Variants in TGM4 observed in about 807,000 individuals in gnomAD.
The protein encoded by TGM4 is transglutaminase 4.
A neutral mutation model predicts 76.3 loss-of-function variants in TGM4; 61 were observed. That is an observed-to-expected ratio of 0.80 (90% confidence interval 0.65 to 0.99). The LOEUF is 0.99. TGM4 is among the 50% of genes least tolerant of loss of function. The probability of loss-of-function intolerance (pLI) is 0.00; values close to 1 mark genes in which losing one functional copy is unlikely to be tolerated. For synonymous variants in TGM4, 337 were observed against 329.8 expected (o/e 1.02, Z -0.24); for missense variants, 794 against 843.2 (o/e 0.94, Z 0.72).
chr3:44,902,729 TA>T (rs1161518334), intron 8 of TGM4, among the ~76,000 whole-genome samples: 1 of 152,226 alleles, frequency 6.6e-6, no homozygotes, highest in Non-Finnish European at 1.5e-5. Context: ...ATCTGATATA[TA>T]CCACTGTTTG....
chr3:44,896,691 C>T lies in TGM4; in HGVS notation c.550-18C>T. On this transcript the variant is annotated intron_variant, in intron 5 of 13. Transcript: ENST00000296125. ...AGGGCAAAGTCTTAACTGCCTCTTT[C>T]TTCATTTCCCAAAATAGTTTGAGAA... 7 of 1,613,198 alleles carry T rather than the reference C, an allele frequency of 4.3e-6. No homozygotes were observed. Among genetic ancestry groups the T allele is most frequent in the Non-Finnish European group, 5.9e-6 (7 of 1,179,226 alleles).
chr3:44,880,470 C>G (rs1252760474), intron 1 of TGM4, among the ~76,000 whole-genome samples: 2 of 152,180 alleles, frequency 1.3e-5, no homozygotes, highest in Non-Finnish European at 2.9e-5. Context: ...CCCACAAGCA[C>G]TCTGGGAAGG....
intron 1 of TGM4, among the ~76,000 whole-genome samples, chr3:44,875,852 C>T (rs1420671343): frequency 6.6e-6 from 1 of 152,190 alleles, no homozygotes; most frequent in Non-Finnish European, 1.5e-5. Context: ...TTGAATTCCT[C>T]CTTAGATGGC....
At position 44,910,304 on chromosome 3, in the gene TGM4, G is replaced by T. The variant is rs868301114; in HGVS notation, c.1542G>T (p.Leu514Phe). The T allele has an allele frequency of 9.3e-6, 15 of 1,614,176 alleles. No homozygotes were observed. In the Middle Eastern group the frequency reaches 2.3e-3, roughly 249 times the overall value. Residue 514 changes from leucine (L) to phenylalanine (F), a missense_variant, in exon 11 of 14, where the codon TTG becomes TTT. By Grantham distance (22) the Leu-to-Phe change is conservative. Coordinates refer to ENST00000296125, the MANE Select transcript of TGM4 (RefSeq NM_003241.4). ...TCTTGGGCTCCTTTGAACTACAGTT[G>T]TACACTGGCAAGAAGATGGCAAAAC... Reference protein sequence around the residue: ...VNILGSFELQLYTGKKMAKLC... With the variant: ...VNILGSFELQFYTGKKMAKLC...
chr3:44,911,038 G>C lies in TGM4; in HGVS notation c.1687G>C (p.Gly563Arg), dbSNP rs1463079157. ...ATTAGATGATGAGCCAGTTATCAGAGGTTTCATCATTGCGGAAATTGTGGA... is the reference window on the plus strand; with the variant it reads ...ATTAGATGATGAGCCAGTTATCAGACGTTTCATCATTGCGGAAATTGTGGA... Reference protein sequence around the residue: ...AILDDEPVIRGFIIAEIVESK... With the variant: ...AILDDEPVIRRFIIAEIVESK... The change falls in exon 12 of 14, where the codon GGT becomes CGT. Residue 563 changes from glycine to arginine, a missense_variant. Physicochemically the swap from Gly to Arg is moderately radical, Grantham distance 125 (BLOSUM62 -2). Coordinates refer to ENST00000296125, the MANE Select transcript of TGM4 (RefSeq NM_003241.4). 1.2e-6 allele frequency: 2 copies of C among 1,614,042 alleles called. No homozygotes were observed. The highest frequency in any genetic ancestry group is 8.5e-7 in the Non-Finnish European group (1 of 1,180,032).
At position 44,903,877 on chromosome 3, in the gene TGM4, G is replaced by T; in HGVS notation, c.972-7G>T. 6.8e-6 allele frequency: 11 copies of T among 1,614,120 alleles called. No individual in the cohort carries two copies. The highest frequency in any genetic ancestry group is 9.3e-6 in the Non-Finnish European group (11 of 1,179,964). ...CCGGGGTGGGGCCCGTTCCCAATTT[G>T]CGGCAGGAATTTCCATGTGTGGACG... is the stretch of plus-strand genomic sequence containing the variant. On this transcript the variant is annotated splice_polypyrimidine_tract_variant and splice_region_variant and intron_variant, in intron 8 of 13. Coordinates refer to ENST00000296125, the MANE Select transcript of TGM4 (RefSeq NM_003241.4).
rs769152826 is a variant in TGM4 at position 44,893,664 on chromosome 3, G to A, written c.518G>A (p.Ser173Asn). 10 of 1,613,902 alleles carry A rather than the reference G, an allele frequency of 6.2e-6. No individual in the cohort carries two copies. In the South Asian group the frequency reaches 1.1e-4, roughly 18 times the overall value. Residue 173 changes from serine to asparagine, a missense_variant, in exon 5 of 14, where the codon AGT (serine) becomes AAT (asparagine). By Grantham distance (46) the Ser-to-Asn change is conservative. Coordinates refer to ENST00000296125, the MANE Select transcript of TGM4 (RefSeq NM_003241.4). ...TGCCATTACGTGGGGGCTGCCAGAA[G>A]TATCAAATGCAAACCCTGGAACTTT... ...TGCHYVGAAR[S>N]IKCKPWNFGQ...
rs1699998961 is a variant in TGM4, at chr3:44,911,076, C to G, written c.1725C>G (p.Ile575Met). 1.9e-6 allele frequency: 3 copies of G among 1,614,192 alleles called. No individual in the cohort carries two copies. The highest frequency in any genetic ancestry group is 2.5e-6 in the Non-Finnish European group (3 of 1,180,034). Reference sequence around the variant, plus strand: ...CGGAAATTGTGGAGTCTAAGGAAATCATGGCCTCTGAAGTATTCACGTCTT... The same window carrying G: ...CGGAAATTGTGGAGTCTAAGGAAATGATGGCCTCTGAAGTATTCACGTCTT... Reference protein sequence around the residue: ...IIAEIVESKEIMASEVFTSFQ... With the variant: ...IIAEIVESKEMMASEVFTSFQ... The change falls in exon 12 of 14, where the codon ATC (isoleucine) becomes ATG (methionine). Residue 575 changes from isoleucine (I) to methionine (M), a missense_variant. Coordinates refer to ENST00000296125, the MANE Select transcript of TGM4 (RefSeq NM_003241.4).
At chr3:44,896,597 G>A in intron 5 of TGM4, 112 bp from the exon 6 acceptor site, 1 of 904,532 alleles carries the variant, frequency 1.1e-6, no homozygotes, top group Non-Finnish European at 1.8e-6. Context: ...CTGTAGGCAG[G>A]GGAGATGGGT....
intron 12 of TGM4, 59 bp downstream of exon 12, chr3:44,911,186 G>A (rs1292749918): frequency 6.2e-7 from 1 of 1,610,228 alleles, no homozygotes; most frequent in Non-Finnish European, 8.5e-7. Flanking sequence ...CATGGAGTGT[G>A]ACGGGGCCCC....
chr3:44,911,523 C>A, intron 13 of TGM4, 117 bp downstream of exon 13: 1 of 1,233,846 alleles, frequency 8.1e-7, no homozygotes, highest in Non-Finnish European at 1.1e-6. Context: ...AATGTAGATA[C>A]ATTTTGCTAG....
chr3:44,895,668 AAAGAATTGT>A (rs1170746073), intron 5 of TGM4, among the ~76,000 whole-genome samples: 1 of 152,210 alleles, frequency 6.6e-6, no homozygotes, highest in East Asian at 1.9e-4. Flanking sequence ...AAAGAATCTC[AAAGAATTGT>A]AACCACAAAA....
chr3:44,887,336 G>A (rs2125749978), intron 2 of TGM4, among the ~76,000 whole-genome samples: 1 of 152,324 alleles, frequency 6.6e-6, no homozygotes, highest in East Asian at 1.9e-4. Context: ...GCATTGCGTG[G>A]AGTGAACAAG....
chr3:44,894,774 G>A (rs1699757138), intron 5 of TGM4, among the ~76,000 whole-genome samples: 1 of 152,074 alleles, frequency 6.6e-6, no homozygotes, highest in Non-Finnish European at 1.5e-5. Flanking sequence ...AAGGGAGGAA[G>A]GACTCCCAGC....
intron 6 of TGM4, chr3:44,899,397 AG>A (rs1699822869): frequency 6.6e-6 from 1 of 152,240 alleles, no homozygotes; most frequent in Non-Finnish European, 1.5e-5. Context: ...CAGAACTCCA[AG>A]GTGTTCCAGG....
rs781303730 is a variant in TGM4, at chr3:44,890,678, A to G, written c.376A>G (p.Ile126Val). The G allele has an allele frequency of 5.0e-6, 8 of 1,614,218 alleles. No homozygotes were observed. Among genetic ancestry groups the G allele is most frequent in the Middle Eastern group, 1.6e-4 (1 of 6,062 alleles). The change falls in exon 4 of 14, where the codon ATC becomes GTC. Residue 126 changes from isoleucine to valine, a missense_variant. Physicochemically the swap from Ile to Val is conservative, Grantham distance 29. Coordinates refer to ENST00000296125, the MANE Select transcript of TGM4 (RefSeq NM_003241.4). Reference sequence around the variant, plus strand: ...ACTAAACGTGAAAACTGGAAACCACATCCTTAAGTCTGAAGAAAACATCCT... The same window carrying G: ...ACTAAACGTGAAAACTGGAAACCACGTCCTTAAGTCTGAAGAAAACATCCT... ...YQLNVKTGNH[I>V]LKSEENILYL... is the part of the protein sequence containing the mutation.
In TGM4 at chr3:44,907,031, C is replaced by A; in HGVS notation, c.1158C>A (p.Phe386Leu). Reference sequence around the variant, plus strand: ...TTGTCTATGACACCAGATTCGTCTTCTCAGAAGTGAATGGTGACAGGCTCA... The same window carrying A: ...TTGTCTATGACACCAGATTCGTCTTATCAGAAGTGAATGGTGACAGGCTCA... The part of the protein sequence containing the change: ...IFIVYDTRFV[F>L]SEVNGDRLIW... The change falls in exon 10 of 14, where the codon TTC becomes TTA. Residue 386 changes from phenylalanine (F) to leucine (L), a missense_variant. Coordinates refer to ENST00000296125, the MANE Select transcript of TGM4 (RefSeq NM_003241.4). The A allele has an allele frequency of 6.2e-7, 1 of 1,614,134 alleles. No individual in the cohort carries two copies. The highest frequency in any genetic ancestry group is 1.1e-5 in the South Asian group (1 of 91,080).
chr3:44,907,277 G>A lies in TGM4; in HGVS notation c.1327+77G>A, dbSNP rs1287174774. ...ATGAAAATAGTCAAGATTGGGGGTGGGCCTGGGCAACATGGTGAAACCCCA... is the reference window on the plus strand; with the variant it reads ...ATGAAAATAGTCAAGATTGGGGGTGAGCCTGGGCAACATGGTGAAACCCCA... On this transcript the variant is annotated intron_variant, in intron 10 of 13. Coordinates refer to ENST00000296125, the MANE Select transcript of TGM4 (RefSeq NM_003241.4). 7.2e-6 allele frequency: 11 copies of A among 1,525,264 alleles called. No homozygotes were observed. In the African/African-American group the frequency reaches 1.5e-4, roughly 21 times the overall value. 94.5% of individuals were successfully genotyped at this position (1,525,264 alleles called of 1,614,324 possible).
chr3:44,881,610 A>G (rs1320143447), intron 1 of TGM4, among the ~76,000 whole-genome samples: 1 of 152,094 alleles, frequency 6.6e-6, no homozygotes, highest in Non-Finnish European at 1.5e-5. Flanking sequence ...TTTTCTTGTC[A>G]TTTCAAGAGT....
Sources: allele counts gnomAD v4.1 joint callset (sites outside exome capture counted in the v4.1 genomes callset), GRCh38; gene constraint gnomAD v4.1.1; transcripts MANE v1.5; gene names NCBI Gene and HGNC (gene_info 2026-07-23, HGNC 2026-07-21).